The following EHHADH variants were observed in gnomAD, a reference collection of about 807,000 sequenced individuals.
EHHADH encodes enoyl-CoA hydratase and 3-hydroxyacyl CoA dehydrogenase.
A neutral mutation model predicts 64.4 loss-of-function variants in EHHADH; 48 were observed. That is an observed-to-expected ratio of 0.75 (90% CI 0.59 to 0.95). The LOEUF (loss-of-function observed/expected upper bound fraction) is 0.95, where lower values mean the gene tolerates loss of function less well. EHHADH is among the 40% of genes least tolerant of loss of function. The pLI is 0.00. For missense variants in EHHADH, 854 were observed against 876.6 expected (o/e 0.97, Z 0.33); for synonymous variants, 308 against 326.7 (o/e 0.94, Z 0.62).
intron 2 of EHHADH, chr3:185,246,519 T>G (rs1262635474): frequency 1.4e-5 from 4 of 285,480 alleles, no homozygotes; most frequent in African/African-American, 4.6e-5. Flanking sequence ...GCGCTGCTCC[T>G]GCTGATACCT....
intron 5 of EHHADH, among the ~76,000 whole-genome samples, chr3:185,210,543 A>G (rs1415842419): frequency 6.6e-6 from 1 of 151,338 alleles, no homozygotes; most frequent in African/African-American, 2.4e-5. Flanking sequence ...CTGAGGAAGG[A>G]GAATCGCTTT....
At chr3:185,234,782 T>G (rs2108646673) in intron 3 of EHHADH, among the ~76,000 whole-genome samples, 1 of 152,316 alleles carries the variant, frequency 6.6e-6, no homozygotes, top group South Asian at 2.1e-4. Context: ...GTAGCAGGTG[T>G]TTACTTACCA....
chr3:185,236,215 C>T (rs1166224689), intron 2 of EHHADH, among the ~76,000 whole-genome samples: 1 of 152,168 alleles, frequency 6.6e-6, no homozygotes, highest in Non-Finnish European at 1.5e-5. Flanking sequence ...GCTCTGCCTT[C>T]TGTCAGATCA....
chr3:185,198,000 T>A (rs1490740722), intron 6 of EHHADH, among the ~76,000 whole-genome samples: 1 of 152,190 alleles, frequency 6.6e-6, no homozygotes, highest in Non-Finnish European at 1.5e-5. Context: ...TTTCACCATG[T>A]TGGTCAGGCT....
chr3:185,200,326 A>T, intron 6 of EHHADH, among the ~76,000 whole-genome samples: 1 of 152,232 alleles, frequency 6.6e-6, no homozygotes, highest in Middle Eastern at 3.4e-3. Context: ...TATTTAGTTA[A>T]TTTTCCAAGT....
rs147452087 is a variant in EHHADH, at chr3:185,230,148, T to C, written c.352-605A>G. 5.4e-3 allele frequency among the ~76,000 whole-genome samples: 816 copies of C among 152,318 alleles called. 5 individuals are homozygous for C. Among genetic ancestry groups the C allele is most frequent in the South Asian group, 0.03 (146 of 4,826 alleles). On this transcript the variant is annotated intron_variant, in intron 3 of 6. Transcript: ENST00000231887. ...CACTTTATACCCACTAAGATGGCTA[T>C]TTAAAAAACGACAGACAATAACAGG... is the stretch of plus-strand genomic sequence containing the variant.
intron 6 of EHHADH, among the ~76,000 whole-genome samples, chr3:185,202,635 G>A (rs969121421): frequency 6.6e-5 from 10 of 152,130 alleles, no homozygotes; most frequent in Non-Finnish European, 1.3e-4. Context: ...GCCTCCTGTC[G>A]GATCAGTGGT....
chr3:185,205,607 T>A (rs1035883851), intron 5 of EHHADH, among the ~76,000 whole-genome samples: 5 of 152,176 alleles, frequency 3.3e-5, no homozygotes, highest in Admixed American at 6.5e-5. Context: ...TCAGAATTTT[T>A]ATTTTAAAAC....
At chr3:185,203,079 T>TA (rs11322724) in intron 6 of EHHADH, among the ~76,000 whole-genome samples, 10 of 150,960 alleles carry the variant, frequency 6.6e-5, no homozygotes, top group Non-Finnish European at 1.0e-4. Context: ...TAAAGATGGT[T>TA]AAAAAAAAAG....
At chr3:185,194,722 C>G (rs1468184263) in intron 6 of EHHADH, among the ~76,000 whole-genome samples, 2 of 137,912 alleles carry the variant, frequency 1.5e-5, no homozygotes, top group Non-Finnish European at 3.1e-5. Flanking sequence ...ATATCTTGAG[C>G]CCAGGAGTTT....
chr3:185,196,025 C>G (rs975915575), intron 6 of EHHADH, among the ~76,000 whole-genome samples: 5 of 152,180 alleles, frequency 3.3e-5, no homozygotes, highest in African/African-American at 1.2e-4. Flanking sequence ...TCTTTCTTAT[C>G]TCCTCCTTAA....
chr3:185,245,993 T>C, intron 2 of EHHADH: 2 of 1,483,906 alleles, frequency 1.3e-6, no homozygotes, highest in Non-Finnish European at 9.4e-7. Context: ...ATCATCTTTT[T>C]TGCTATCTTC....
chr3:185,204,904 T>G, intron 5 of EHHADH, 147 bp from the exon 6 acceptor site: 1 of 631,270 alleles, frequency 1.6e-6, no homozygotes, highest in Non-Finnish European at 2.6e-6. Flanking sequence ...TAAACATATG[T>G]ACACTAACAT....
Position 185,204,372 on chromosome 3 carries a change from A to C in EHHADH, c.910+44T>G. ...CCCTAAGCAAATGGTAGCACATTAC[A>C]TGAGCAGATTTGGAGGATTCCATTC... On this transcript the variant is annotated intron_variant, in intron 6 of 6. Transcript: ENST00000231887. The C allele has an allele frequency of 2.0e-6, 3 of 1,525,912 alleles. No individual in the cohort carries two copies. The South Asian group carries it at 3.7e-5, about 19-fold the overall frequency. The allele number at this position is 1,525,912 out of a possible 1,614,324, so 94.5% of individuals were successfully genotyped here. A position where few individuals can be genotyped will look rare whatever the true frequency, so the allele number is the denominator to read the frequency against.
At chr3:185,204,278 TGGG>T in intron 6 of EHHADH, 135 bp downstream of exon 6, 1 of 728,740 alleles carries the variant, frequency 1.4e-6, no homozygotes, top group Non-Finnish European at 2.2e-6. Context: ...AGAGAGCTCA[TGGG>T]GTGGTGTGAG....
At chr3:185,201,835 C>T (rs1341217473) in intron 6 of EHHADH, among the ~76,000 whole-genome samples, 1 of 152,184 alleles carries the variant, frequency 6.6e-6, no homozygotes, top group African/African-American at 2.4e-5. Flanking sequence ...GGGAAATCCT[C>T]TCAAACAGTG....
chr3:185,206,443 T>C (rs1413357763), intron 5 of EHHADH, among the ~76,000 whole-genome samples: 1 of 152,104 alleles, frequency 6.6e-6, no homozygotes, highest in African/African-American at 2.4e-5. Flanking sequence ...TATTCTTAGA[T>C]ACAACACCAA....
chr3:185,192,353 T>C lies in EHHADH; in HGVS notation c.2045A>G (p.Tyr682Cys), dbSNP rs759544231. The C allele has an allele frequency of 6.2e-7, 1 of 1,614,174 alleles. No individual in the cohort carries two copies. Among genetic ancestry groups the C allele is most frequent in the East Asian group, 2.2e-5 (1 of 44,880 alleles). The change falls in exon 7 of 7, where the codon TAT becomes TGT. Residue 682 changes from tyrosine to cysteine, a missense_variant. Coordinates refer to ENST00000231887, the MANE Select transcript of EHHADH (RefSeq NM_001966.4). The stretch of plus-strand genomic sequence containing the variant: ...GGGAATATCAGGGTTCTGCCTGTAA[T>C]ATTTCTGCAATTTCTCTAGAACTGT... The part of the protein sequence containing the change: ...LPTVLEKLQK[Y>C]YRQNPDIPQL...
chr3:185,246,512 C>T (rs1719599874), intron 2 of EHHADH: 1 of 295,992 alleles, frequency 3.4e-6, no homozygotes, highest in Admixed American at 5.0e-5. Flanking sequence ...CGTGGCAGCG[C>T]TGCTCCTGCT....
Sources: gnomAD v4.1 joint callset for allele counts (sites outside exome capture counted in the v4.1 genomes callset) on GRCh38, gnomAD v4.1.1 for gene constraint, MANE v1.5 for transcripts, NCBI Gene and HGNC (gene_info 2026-07-23, HGNC 2026-07-21) for gene names.